Variants in ADAMTSL1 observed in about 807,000 individuals in gnomAD.
ADAMTSL1 encodes ADAMTS like 1, also known as ADAMTS-like protein 1.
A neutral mutation model predicts 201.8 loss-of-function variants in ADAMTSL1; 126 were observed. The ratio of observed to expected loss-of-function variants is 0.62; its 90% CI spans 0.54 to 0.72. ADAMTSL1 has a LOEUF of 0.72. Ranked by LOEUF, ADAMTSL1 falls within the 30% of genes least tolerant of loss-of-function variation. The pLI is 0.00. For missense variants in ADAMTSL1, 2,679 were observed against 2,277.8 expected, an observed-to-expected ratio of 1.18 and a Z score of -3.59; for synonymous variants, 1,121 against 903.4, an observed-to-expected ratio of 1.24 and a Z score of -4.32.
chr9:18,752,835 T>A (rs914205547), intron 15 of ADAMTSL1, among the ~76,000 whole-genome samples: 1 of 152,188 alleles, frequency 6.6e-6, no homozygotes, highest in African/African-American at 2.4e-5. Flanking sequence ...CTGGAGCCAA[T>A]GACCTTTCAC....
intron 1 of ADAMTSL1, among the ~76,000 whole-genome samples, chr9:18,018,457 T>C (rs1352174377): frequency 6.6e-6 from 1 of 152,060 alleles, no homozygotes; most frequent in African/African-American, 2.4e-5. Context: ...TAATAGACTA[T>C]GGCATGGAAT....
At chr9:18,207,923 T>C (rs1829720741) in intron 2 of ADAMTSL1, among the ~76,000 whole-genome samples, 1 of 152,106 alleles carries the variant, frequency 6.6e-6, no homozygotes, top group African/African-American at 2.4e-5. Context: ...GATTTGGCTC[T>C]AGAGAGAAGC....
chr9:18,474,894 A>C (rs1279061941), intron 1 of ADAMTSL1, among the ~76,000 whole-genome samples: 1 of 152,182 alleles, frequency 6.6e-6, no homozygotes, highest in African/African-American at 2.4e-5. Context: ...TTACTTTTAA[A>C]GAAGAAAAAG....
chr9:18,047,677 A>G (rs1046710224), intron 1 of ADAMTSL1, among the ~76,000 whole-genome samples: 1 of 152,218 alleles, frequency 6.6e-6, no homozygotes, highest in Non-Finnish European at 1.5e-5. Flanking sequence ...AACTGAACCC[A>G]GCTGATCAGA....
chr9:18,038,992 A>G (rs1821322635), intron 1 of ADAMTSL1, among the ~76,000 whole-genome samples: 2 of 152,230 alleles, frequency 1.3e-5, no homozygotes, highest in Non-Finnish European at 2.9e-5. Flanking sequence ...ACTTCTCTTC[A>G]TAGGATTAAT....
intron 1 of ADAMTSL1, among the ~76,000 whole-genome samples, chr9:18,148,676 A>G (rs977178535): frequency 5.9e-5 from 9 of 152,086 alleles, no homozygotes; most frequent in Non-Finnish European, 1.3e-4. Context: ...AAAATTAATA[A>G]GCAGGACCTT....
chr9:18,505,616 ACTC>A (rs1450974496), intron 2 of ADAMTSL1, among the ~76,000 whole-genome samples: 2 of 152,076 alleles, frequency 1.3e-5, no homozygotes, highest in Non-Finnish European at 2.9e-5. Context: ...ATAATTTAAA[ACTC>A]CTTCTTGAGC....
intron 3 of ADAMTSL1, among the ~76,000 whole-genome samples, chr9:18,556,116 G>A (rs984678663): frequency 2.0e-5 from 3 of 151,952 alleles, no homozygotes; most frequent in Admixed American, 6.6e-5. Flanking sequence ...TTCCTTTACC[G>A]CCTTGCACAG....
At chr9:18,142,431 C>G (rs1012091088) in intron 1 of ADAMTSL1, among the ~76,000 whole-genome samples, 1 of 152,152 alleles carries the variant, frequency 6.6e-6, no homozygotes, top group Non-Finnish European at 1.5e-5. Context: ...TCTTTAAAAC[C>G]TTAGAAATCT....
At chr9:18,153,878 A>C (rs1827029786) in intron 1 of ADAMTSL1, among the ~76,000 whole-genome samples, 1 of 152,054 alleles carries the variant, frequency 6.6e-6, no homozygotes, top group South Asian at 2.1e-4. Context: ...GATGTGAAGA[A>C]TGACACCATC....
chr9:18,676,393 A>G (rs555888838), intron 10 of ADAMTSL1, among the ~76,000 whole-genome samples: 1 of 152,246 alleles, frequency 6.6e-6, no homozygotes, highest in South Asian at 2.1e-4. Flanking sequence ...ATAATTAAGT[A>G]TAAAAGGCAA....
At chr9:17,938,665 A>C (rs1026190313) in intron 1 of ADAMTSL1, among the ~76,000 whole-genome samples, 1 of 152,172 alleles carries the variant, frequency 6.6e-6, no homozygotes. Flanking sequence ...AACAAAAGCT[A>C]GGTATGAGGA....
intron 8 of ADAMTSL1, among the ~76,000 whole-genome samples, chr9:18,659,638 G>A (rs893067624): frequency 5.3e-5 from 8 of 152,082 alleles, no homozygotes; most frequent in East Asian, 1.9e-4. Context: ...GTGGTGGCGC[G>A]AGCCTGTAAT....
At chr9:18,520,740 A>G (rs1818641179) in intron 2 of ADAMTSL1, among the ~76,000 whole-genome samples, 1 of 152,158 alleles carries the variant, frequency 6.6e-6, no homozygotes, top group Non-Finnish European at 1.5e-5. Context: ...TTCTTGTATT[A>G]TTACAACAGA....
At chr9:18,419,422 A>C (rs994745834) in intron 2 of ADAMTSL1, among the ~76,000 whole-genome samples, 1 of 152,188 alleles carries the variant, frequency 6.6e-6, no homozygotes, top group Non-Finnish European at 1.5e-5. Context: ...TGTACTTACC[A>C]TGTAACCCAG....
rs146551950 is a variant in ADAMTSL1, at chr9:18,609,760, C to T, written c.475-12483C>T. On this transcript the variant is annotated intron_variant, in intron 4 of 28. Transcript: ENST00000380548. ...ACACAGGGTCTGATAATTCTGGAGA[C>T]TATGAAATAGAAGATTTGAAAATAG... Among the ~76,000 whole-genome samples, 320 of 152,220 alleles carry T rather than the reference C, an allele frequency of 2.1e-3. 2 individuals are homozygous for T. Among genetic ancestry groups the T allele is most frequent in the African/African-American group, 7.1e-3 (297 of 41,542 alleles).
chr9:18,246,764 A>G (rs536937061), intron 2 of ADAMTSL1, among the ~76,000 whole-genome samples: 106 of 152,328 alleles, frequency 7.0e-4, no homozygotes, highest in African/African-American at 2.5e-3. Context: ...ACACACATGC[A>G]CATATGCACA....
chr9:18,085,523 G>GTGTGTGCATATATATATACTC (rs1373756055), intron 1 of ADAMTSL1, among the ~76,000 whole-genome samples: 2 of 87,934 alleles, frequency 2.3e-5, no homozygotes, highest in African/African-American at 1.0e-4. Flanking sequence ...TATATATACT[G>GTGTGTGCATATATATATACTC]TATGCATATA....
intron 2 of ADAMTSL1, among the ~76,000 whole-genome samples, chr9:18,315,808 A>G (rs1481801839): frequency 6.6e-6 from 1 of 152,236 alleles, no homozygotes; most frequent in Non-Finnish European, 1.5e-5. Flanking sequence ...GTGCTCCTCA[A>G]GCACAGCCAG....
Sources: allele counts gnomAD v4.1 joint callset (sites outside exome capture counted in the v4.1 genomes callset), GRCh38; gene constraint gnomAD v4.1.1; transcripts MANE v1.5; gene names NCBI Gene and HGNC (gene_info 2026-07-23, HGNC 2026-07-21).